Variants in ZNF516 observed in about 807,000 individuals in gnomAD.
ZNF516 encodes the protein zinc finger protein 516.
In ZNF516, 19 loss-of-function variants were observed where a neutral mutation model predicts 79.7. The ratio of observed to expected loss-of-function variants is 0.24; its 90% confidence interval spans 0.17 to 0.35. The LOEUF (loss-of-function observed/expected upper bound fraction) is 0.35. Ranked by LOEUF, ZNF516 falls within the 10% of genes least tolerant of loss-of-function variation. The pLI, the probability that ZNF516 is intolerant of heterozygous loss-of-function variation, is 1.00. For synonymous variants in ZNF516, 877 were observed against 739.5 expected (o/e 1.19, Z -3.02); for missense variants, 1,678 against 1,679.5 (o/e 1.00, Z 0.02).
At position 76,379,897 on chromosome 18, in the gene ZNF516, C is replaced by A. The variant is rs775307847; in HGVS notation, c.2217G>T (p.Ser739=). Residue 739 remains serine, a synonymous_variant, in exon 4 of 7, where the codon TCG becomes TCT. Transcript: ENST00000443185. ...DLMPLDLSAR[S]TRDDPSNKET... ...CCTTATTGCTGGGGTCATCCCGCGT[C>A]GACCTCGCACTTAAATCTAGCGGCA... The A allele has an allele frequency of 6.2e-7, 1 of 1,613,826 alleles. No individual in the cohort carries two copies. The highest frequency in any genetic ancestry group is 8.5e-7 in the Non-Finnish European group (1 of 1,179,892).
At position 76,423,704 on chromosome 18, in the gene ZNF516, G is replaced by A. The variant is rs112160074; in HGVS notation, c.1810+17541C>T. Among the ~76,000 whole-genome samples the A allele has an allele frequency of 8.2e-4, 107 of 130,346 alleles. 1 individual carries two copies. The East Asian group carries it at 0.013, about 15-fold the overall frequency. 85.5% of individuals were successfully genotyped at this position (130,346 alleles called of 152,430 possible). ...CACACGCAGGTGAAAAGGCTCCCCC[G>A]AAACACACGCAGGTGAAAAGGCTCC... is the stretch of plus-strand genomic sequence containing the variant. On this transcript the variant is annotated intron_variant, in intron 3 of 6. Transcript: ENST00000443185.
At chr18:76,462,623 A>G (rs1421858337) in intron 2 of ZNF516, among the ~76,000 whole-genome samples, 2 of 152,204 alleles carry the variant, frequency 1.3e-5, no homozygotes, top group African/African-American at 4.8e-5. Flanking sequence ...CAACTGTAAT[A>G]AGCTGTGCAA....
intron 4 of ZNF516, among the ~76,000 whole-genome samples, chr18:76,378,456 G>A (rs1181763779): frequency 1.3e-5 from 2 of 152,324 alleles, no homozygotes; most frequent in East Asian, 3.8e-4. Flanking sequence ...TGAGAGACAG[G>A]ACAATGAACA....
At position 76,441,500 on chromosome 18, in the gene ZNF516, C is replaced by T. The variant is rs757195336; in HGVS notation, c.1555G>A (p.Glu519Lys). 7 of 1,594,746 alleles carry T rather than the reference C, an allele frequency of 4.4e-6. No individual in the cohort carries two copies. Among genetic ancestry groups the T allele is most frequent in the Non-Finnish European group, 6.0e-6 (7 of 1,172,192 alleles). ...TAGGTGCGGAAGATCTTGCCGCACT[C>T]GAAGCACTCGGAGGACTTGCCCTGG... ...TGQGKSSECF[E>K]CGKIFRTYHQ... is the part of the protein sequence containing the mutation. The change falls in exon 3 of 7, where the codon GAG becomes AAG. Residue 519 changes from glutamate (E) to lysine (K), a missense_variant. Physicochemically the swap from Glu to Lys is moderately conservative, Grantham distance 56. Around this residue, in one of 5 missense-constraint regions of ZNF516, gnomAD observed 1,294 missense variants for 1,248.3 expected, o/e 1.04. Transcript: ENST00000443185.
Position 76,441,724 on chromosome 18 carries a change from G to A in ZNF516, c.1331C>T (p.Ala444Val), listed in dbSNP as rs1240836260. The change falls in exon 3 of 7, where the codon GCC becomes GTC. Residue 444 changes from alanine (A) to valine (V), a missense_variant. Ala to Val is a moderately conservative substitution (Grantham distance 64). Coordinates refer to ENST00000443185, the MANE Select transcript of ZNF516 (RefSeq NM_014643.4). ...GTCCTTGTCGAAGGCCACGTCCCCG[G>A]CCAGCGCCTCGTCCCAGGCCCCGTA... ...LKYGAWDEAL[A>V]GDVAFDKDRR... is the part of the protein sequence containing the mutation. 2.5e-6 allele frequency: 4 copies of A among 1,573,414 alleles called. No individual in the cohort carries two copies. The highest frequency in any genetic ancestry group is 1.7e-4 in the Middle Eastern group (1 of 6,006).
intron 3 of ZNF516, among the ~76,000 whole-genome samples, chr18:76,389,997 A>T (rs1413969198): frequency 6.6e-6 from 1 of 152,218 alleles, no homozygotes; most frequent in Middle Eastern, 3.2e-3. Flanking sequence ...TTATTATAGC[A>T]ATAATTCCAG....
chr18:76,434,701 T>C (rs1317749533), intron 3 of ZNF516, among the ~76,000 whole-genome samples: 8 of 152,206 alleles, frequency 5.3e-5, no homozygotes, highest in Non-Finnish European at 5.9e-5. Context: ...TACGCATTCC[T>C]GCCCCTCGCG....
At chr18:76,447,957 T>A (rs887195228) in intron 2 of ZNF516, among the ~76,000 whole-genome samples, 1 of 152,230 alleles carries the variant, frequency 6.6e-6, no homozygotes. Flanking sequence ...CCACTTTTTT[T>A]AAATGCCTTA....
At chr18:76,449,681 G>A (rs1912276377) in intron 2 of ZNF516, among the ~76,000 whole-genome samples, 1 of 152,216 alleles carries the variant, frequency 6.6e-6, no homozygotes, top group African/African-American at 2.4e-5. Context: ...TTACTACACT[G>A]TAAATCTTCA....
At chr18:76,450,985 A>G (rs1912374572) in intron 2 of ZNF516, among the ~76,000 whole-genome samples, 1 of 152,152 alleles carries the variant, frequency 6.6e-6, no homozygotes, top group Admixed American at 6.6e-5. Flanking sequence ...ATGCTCTCGT[A>G]TTTAGAGTCA....
At chr18:76,468,100 G>A (rs907654972) in intron 1 of ZNF516, among the ~76,000 whole-genome samples, 1 of 152,190 alleles carries the variant, frequency 6.6e-6, no homozygotes, top group Non-Finnish European at 1.5e-5. Flanking sequence ...GGCATCCCAG[G>A]AGATTCTCTG....
intron 3 of ZNF516, among the ~76,000 whole-genome samples, chr18:76,391,610 A>G (rs1018801986): frequency 1.3e-5 from 2 of 152,204 alleles, no homozygotes; most frequent in African/African-American, 4.8e-5. Flanking sequence ...AAACCTGCAC[A>G]GCCCCATCCC....
chr18:76,452,185 G>A (rs756332064), intron 2 of ZNF516, among the ~76,000 whole-genome samples: 4 of 152,186 alleles, frequency 2.6e-5, no homozygotes, highest in Admixed American at 1.3e-4. Flanking sequence ...GCAGCAACGC[G>A]GCCCCCTGAC....
At chr18:76,431,202 A>C (rs1377153350) in intron 3 of ZNF516, among the ~76,000 whole-genome samples, 2 of 152,100 alleles carry the variant, frequency 1.3e-5, no homozygotes, top group African/African-American at 2.4e-5. Context: ...CAAAAAGAAA[A>C]ACCACATACA....
intron 3 of ZNF516, among the ~76,000 whole-genome samples, chr18:76,411,025 A>C (rs1227306365): frequency 1.3e-5 from 2 of 152,248 alleles, no homozygotes; most frequent in Non-Finnish European, 2.9e-5. Context: ...CTAGAATTCT[A>C]ACACAGCTTT....
intron 3 of ZNF516, among the ~76,000 whole-genome samples, chr18:76,396,516 G>A (rs1018798630): frequency 6.6e-6 from 1 of 152,096 alleles, no homozygotes; most frequent in African/African-American, 2.4e-5. Context: ...CAAAAAACTG[G>A]ATTTGACAGC....
At chr18:76,483,849 G>A (rs1389297752) in intron 1 of ZNF516, among the ~76,000 whole-genome samples, 1 of 152,184 alleles carries the variant, frequency 6.6e-6, no homozygotes, top group Non-Finnish European at 1.5e-5. Context: ...CTGGTCTTTG[G>A]TGACCAGATT....
intron 3 of ZNF516, among the ~76,000 whole-genome samples, chr18:76,397,973 G>A (rs569398966): frequency 1.3e-5 from 2 of 152,256 alleles, no homozygotes; most frequent in East Asian, 3.9e-4. Context: ...CAAATTATTC[G>A]TGTTACTTTT....
At chr18:76,431,257 A>T (rs1303542594) in intron 3 of ZNF516, among the ~76,000 whole-genome samples, 2 of 152,180 alleles carry the variant, frequency 1.3e-5, no homozygotes, top group African/African-American at 4.8e-5. Context: ...GAGGACACAC[A>T]CACACACACA....
Sources: allele counts gnomAD v4.1 joint callset (sites outside exome capture counted in the v4.1 genomes callset), GRCh38; gene constraint gnomAD v4.1.1; regional missense constraint gnomAD v4.1.1; transcripts MANE v1.5; gene names NCBI Gene and HGNC (gene_info 2026-07-23, HGNC 2026-07-21).